Variants in NEK7 observed in about 807,000 individuals in gnomAD.
The protein encoded by NEK7 is NIMA related kinase 7.
In NEK7, 18 loss-of-function variants were observed where a neutral mutation model predicts 44.6. The observed-to-expected ratio is 0.40, with a 90% confidence interval of 0.28 to 0.60. The LOEUF (loss-of-function observed/expected upper bound fraction) is 0.60. Ranked by LOEUF, NEK7 falls within the 20% of genes least tolerant of loss-of-function variation. The probability of loss-of-function intolerance (pLI) is 0.38; values close to 1 mark genes in which losing one functional copy is unlikely to be tolerated. For synonymous variants in NEK7, 130 were observed against 121.1 expected, an observed-to-expected ratio of 1.07 and a Z score of -0.48; for missense variants, 256 against 366.5, an observed-to-expected ratio of 0.70 and a Z score of 2.46.
chr1:198,287,145 T>C (rs1654396077), intron 7 of NEK7, among the ~76,000 whole-genome samples: 1 of 152,166 alleles, frequency 6.6e-6, no homozygotes, highest in South Asian at 2.1e-4. Context: ...GAGACATTCA[T>C]ATCCTCCTCT....
chr1:198,219,226 T>A (rs1370807420), intron 1 of NEK7, among the ~76,000 whole-genome samples: 1 of 150,816 alleles, frequency 6.6e-6, no homozygotes, highest in African/African-American at 2.4e-5. Flanking sequence ...GTTTTATATA[T>A]ATCTATTAAA....
Position 198,304,581 on chromosome 1 carries a change from T to A in NEK7, c.798+7341T>A, listed in dbSNP as rs545026810. On this transcript the variant is annotated intron_variant, in intron 9 of 9. Coordinates refer to ENST00000367385, the MANE Select transcript of NEK7 (RefSeq NM_133494.3). The stretch of plus-strand genomic sequence containing the variant: ...GTCTTTATTATTCTGTTGAGAATTG[T>A]GTTAGTGACCTAAAGCTGTAATGCA... 6.6e-5 allele frequency among the ~76,000 whole-genome samples: 10 copies of A among 152,284 alleles called. No homozygotes were observed. In the South Asian group the frequency reaches 2.1e-3, roughly 32 times the overall value.
At chr1:198,215,424 T>A (rs1196586243) in intron 1 of NEK7, among the ~76,000 whole-genome samples, 1 of 152,216 alleles carries the variant, frequency 6.6e-6, no homozygotes, top group African/African-American at 2.4e-5. Flanking sequence ...TATCTTTGAA[T>A]GCAGCCCAAC....
At chr1:198,295,228 A>C (rs1335244048) in intron 8 of NEK7, among the ~76,000 whole-genome samples, 1 of 152,154 alleles carries the variant, frequency 6.6e-6, no homozygotes, top group Non-Finnish European at 1.5e-5. Context: ...TTTATTGTTC[A>C]GCGCAGCAAT....
At chr1:198,222,529 C>T (rs1666100247) in intron 1 of NEK7, among the ~76,000 whole-genome samples, 1 of 152,144 alleles carries the variant, frequency 6.6e-6, no homozygotes, top group South Asian at 2.1e-4. Context: ...GGTGGTACCA[C>T]CACGTGCTGT....
chr1:198,273,735 CT>C (rs1422217549), intron 5 of NEK7, among the ~76,000 whole-genome samples: 7 of 151,454 alleles, frequency 4.6e-5, no homozygotes, highest in Non-Finnish European at 7.4e-5. Context: ...TTTGTTGTTG[CT>C]TTGTTTTTAC....
chr1:198,310,640 C>T (rs1655152452), intron 9 of NEK7, among the ~76,000 whole-genome samples: 1 of 151,926 alleles, frequency 6.6e-6, no homozygotes, highest in Admixed American at 6.6e-5. Context: ...GGAAGGGATC[C>T]AGTTTCAGCT....
chr1:198,227,382 C>A (rs534314246), intron 1 of NEK7, among the ~76,000 whole-genome samples: 5 of 152,018 alleles, frequency 3.3e-5, no homozygotes, highest in Non-Finnish European at 4.4e-5. Context: ...GGGTATATAC[C>A]CAGTAATGGG....
At chr1:198,246,488 C>T (rs760452528) in intron 2 of NEK7, among the ~76,000 whole-genome samples, 6 of 152,232 alleles carry the variant, frequency 3.9e-5, no homozygotes, top group South Asian at 4.1e-4. Context: ...TCAACCTAAT[C>T]CTTGGTGGCA....
At chr1:198,161,143 T>C (rs1268840871) in intron 1 of NEK7, among the ~76,000 whole-genome samples, 2 of 152,214 alleles carry the variant, frequency 1.3e-5, no homozygotes, top group Non-Finnish European at 2.9e-5. Context: ...ATAAAACTGA[T>C]TTTAGTGGTC....
intron 2 of NEK7, among the ~76,000 whole-genome samples, chr1:198,240,174 A>G (rs1228124585): frequency 6.6e-6 from 1 of 152,240 alleles, no homozygotes; most frequent in Admixed American, 6.5e-5. Flanking sequence ...AATATTGAAT[A>G]CTAAGAAAAC....
intron 5 of NEK7, among the ~76,000 whole-genome samples, chr1:198,271,141 CT>C (rs1653831281): frequency 6.6e-6 from 1 of 152,130 alleles, no homozygotes; most frequent in African/African-American, 2.4e-5. Context: ...TCTCTCTTGA[CT>C]TTTTTGAATG....
chr1:198,204,151 C>CCGGGAGGCTGGAG (rs892863177), intron 1 of NEK7, among the ~76,000 whole-genome samples: 2 of 152,038 alleles, frequency 1.3e-5, no homozygotes, highest in African/African-American at 4.8e-5. Context: ...GCCCAGCTAC[C>CCGGGAGGCTGGAG]CGGGAGGCTG....
intron 1 of NEK7, among the ~76,000 whole-genome samples, chr1:198,200,172 T>G (rs1288010097): frequency 6.6e-6 from 1 of 152,206 alleles, no homozygotes; most frequent in East Asian, 1.9e-4. Context: ...GTGCATTTTT[T>G]TCTTTTATAG....
At chr1:198,280,716 A>G (rs1463966473) in intron 7 of NEK7, among the ~76,000 whole-genome samples, 2 of 148,968 alleles carry the variant, frequency 1.3e-5, no homozygotes, top group Non-Finnish European at 3.0e-5. Context: ...TCATGTAATT[A>G]TATATATGTA....
At chr1:198,204,587 T>C (rs939785917) in intron 1 of NEK7, among the ~76,000 whole-genome samples, 4 of 151,276 alleles carry the variant, frequency 2.6e-5, no homozygotes, top group African/African-American at 9.7e-5. Flanking sequence ...GGCAAGGTGG[T>C]GGGCGCCTGT....
At chr1:198,234,344 G>GAATTAT (rs1666487862) in intron 2 of NEK7, among the ~76,000 whole-genome samples, 1 of 151,528 alleles carries the variant, frequency 6.6e-6, no homozygotes, top group Non-Finnish European at 1.5e-5. Context: ...TTTATGTTAT[G>GAATTAT]ATCATAAATT....
chr1:198,234,419 A>G (rs1301205618), intron 2 of NEK7, among the ~76,000 whole-genome samples: 1 of 152,166 alleles, frequency 6.6e-6, no homozygotes, highest in Non-Finnish European at 1.5e-5. Context: ...TTTTACACAC[A>G]TACACAAACA....
At chr1:198,194,635 A>G (rs1285477439) in intron 1 of NEK7, among the ~76,000 whole-genome samples, 1 of 152,188 alleles carries the variant, frequency 6.6e-6, no homozygotes, top group East Asian at 1.9e-4. Flanking sequence ...TATTCCCACA[A>G]AGGACATAAT....
Sources: allele counts gnomAD v4.1 joint callset (sites outside exome capture counted in the v4.1 genomes callset), GRCh38; gene constraint gnomAD v4.1.1; transcripts MANE v1.5; gene names NCBI Gene and HGNC (gene_info 2026-07-23, HGNC 2026-07-21).